MAGI1: variants seen among roughly 807,000 people sequenced by gnomAD.
The protein encoded by MAGI1 is membrane associated guanylate kinase, WW and PDZ domain containing 1.
Under a neutral mutation model 139.9 loss-of-function variants are expected in MAGI1, and 58 were observed. The ratio of observed to expected loss-of-function variants is 0.41; its 90% CI spans 0.34 to 0.52. The LOEUF is 0.52. Ranked by LOEUF, MAGI1 falls within the 20% of genes least tolerant of loss-of-function variation. The pLI is 0.12. For missense variants in MAGI1, 1,874 were observed against 1,901.6 expected, an observed-to-expected ratio of 0.99 and a Z score of 0.27; for synonymous variants, 812 against 737.9, an observed-to-expected ratio of 1.10 and a Z score of -1.63.
intron 6 of MAGI1, among the ~76,000 whole-genome samples, chr3:65,450,261 C>T (rs1948949046): frequency 6.6e-6 from 1 of 152,090 alleles, no homozygotes. Context: ...TCAGCGATAA[C>T]ATCATCACAT....
At chr3:65,799,268 G>A (rs562356413) in intron 1 of MAGI1, among the ~76,000 whole-genome samples, 97 of 152,234 alleles carry the variant, frequency 6.4e-4, no homozygotes, top group Non-Finnish European at 9.9e-4. Flanking sequence ...AGTTCAAAAG[G>A]AAAGAAAAAT....
chr3:65,359,669 G>A, intron 22 of MAGI1: 2 of 988,052 alleles, frequency 2.0e-6, no homozygotes, highest in Non-Finnish European at 2.4e-6. Context: ...GAATTAGAGA[G>A]ATTTAGTCCA....
intron 16 of MAGI1, among the ~76,000 whole-genome samples, chr3:65,380,243 T>C (rs533480866): frequency 2.0e-5 from 3 of 152,328 alleles, no homozygotes; most frequent in South Asian, 4.1e-4. Flanking sequence ...GCCAACACCG[T>C]AGGTGGAACC....
At position 65,974,403 on chromosome 3, in the gene MAGI1, A is replaced by C. The variant is rs796729734; in HGVS notation, c.313+63593T>G. On this transcript the variant is annotated intron_variant, in intron 1 of 22. Transcript: ENST00000402939. ...GGCGGGTGGCTGGGTGGATGGGTGG[A>C]TGGGTGGATGGATGGATGGATGGAT... 8.8e-3 allele frequency among the ~76,000 whole-genome samples: 1,281 copies of C among 145,912 alleles called. 31 individuals are homozygous for C. Among genetic ancestry groups the C allele is most frequent in the African/African-American group, 0.032 (1,201 of 37,894 alleles).
intron 1 of MAGI1, among the ~76,000 whole-genome samples, chr3:65,673,821 C>T (rs527875054): frequency 3.3e-5 from 5 of 152,286 alleles, no homozygotes; most frequent in South Asian, 2.1e-4. Context: ...TATAAATAGG[C>T]GTTTCCTATT....
intron 2 of MAGI1, among the ~76,000 whole-genome samples, chr3:65,528,432 A>G (rs532533459): frequency 2.0e-5 from 3 of 152,202 alleles, no homozygotes; most frequent in African/African-American, 4.8e-5. Flanking sequence ...ACTAGGGCCT[A>G]AAGTCACCAT....
chr3:65,480,006 T>A (rs1951158312), intron 3 of MAGI1, among the ~76,000 whole-genome samples: 1 of 152,108 alleles, frequency 6.6e-6, no homozygotes, highest in Non-Finnish European at 1.5e-5. Context: ...AGATGCTGGA[T>A]CAATCCTAAC....
intron 2 of MAGI1, among the ~76,000 whole-genome samples, chr3:65,583,435 AATAAT>A (rs1209048289): frequency 6.6e-6 from 1 of 152,170 alleles, no homozygotes; most frequent in Non-Finnish European, 1.5e-5. Context: ...CAGAGTCACA[AATAAT>A]ATATTTGTTT....
chr3:65,869,617 G>A (rs2059866555), intron 1 of MAGI1, among the ~76,000 whole-genome samples: 1 of 151,882 alleles, frequency 6.6e-6, no homozygotes, highest in Admixed American at 6.6e-5. Flanking sequence ...AGCCAGGATG[G>A]TCTCGATCTC....
chr3:65,711,474 C>T (rs2031408798), intron 1 of MAGI1, among the ~76,000 whole-genome samples: 1 of 151,620 alleles, frequency 6.6e-6, no homozygotes, highest in Admixed American at 6.6e-5. Context: ...TACCTACAGA[C>T]AAAAAAAACA....
chr3:65,862,068 A>C (rs2059574640), intron 1 of MAGI1, among the ~76,000 whole-genome samples: 1 of 152,150 alleles, frequency 6.6e-6, no homozygotes, highest in Non-Finnish European at 1.5e-5. Context: ...ACTATGTCTA[A>C]TGAGGCTCTG....
chr3:65,492,302 C>A (rs945715591), intron 3 of MAGI1, among the ~76,000 whole-genome samples: 1 of 152,200 alleles, frequency 6.6e-6, no homozygotes, highest in South Asian at 2.1e-4. Context: ...CTTTTTTCCA[C>A]CACATTTGGC....
intron 5 of MAGI1, among the ~76,000 whole-genome samples, chr3:65,464,763 T>C (rs1187383485): frequency 6.6e-6 from 1 of 152,076 alleles, no homozygotes. Context: ...CTTTATTAAA[T>C]GTAGTTATTG....
intron 1 of MAGI1, among the ~76,000 whole-genome samples, chr3:65,666,941 T>C (rs1351309066): frequency 1.3e-5 from 2 of 152,190 alleles, no homozygotes; most frequent in South Asian, 2.1e-4. Context: ...CATGAAAACA[T>C]CCATCCCAAA....
intron 1 of MAGI1, among the ~76,000 whole-genome samples, chr3:65,630,592 T>C (rs898897398): frequency 3.3e-5 from 5 of 152,184 alleles, no homozygotes; most frequent in African/African-American, 4.8e-5. Context: ...CTGGAGGCCA[T>C]TATTCTAAGT....
intron 1 of MAGI1, among the ~76,000 whole-genome samples, chr3:65,846,422 C>T (rs1377204328): frequency 6.6e-6 from 1 of 152,146 alleles, no homozygotes; most frequent in Non-Finnish European, 1.5e-5. Context: ...CTTTGAGTGA[C>T]CTTAGTAAGT....
chr3:65,684,246 G>A (rs2087828142), intron 1 of MAGI1, among the ~76,000 whole-genome samples: 2 of 147,220 alleles, frequency 1.4e-5, no homozygotes, highest in African/African-American at 5.0e-5. Flanking sequence ...ATTTATCCCA[G>A]AAAAAGGAAA....
At chr3:65,542,511 A>AT (rs2079285682) in intron 2 of MAGI1, among the ~76,000 whole-genome samples, 1 of 152,238 alleles carries the variant, frequency 6.6e-6, no homozygotes, top group African/African-American at 2.4e-5. Flanking sequence ...ACTATACTAC[A>AT]AGGCTATAGT....
intron 1 of MAGI1, among the ~76,000 whole-genome samples, chr3:65,898,222 TC>T (rs2061064934): frequency 6.6e-6 from 1 of 152,206 alleles, no homozygotes; most frequent in Non-Finnish European, 1.5e-5. Context: ...TATTTGTTTC[TC>T]CCCAAAATCC....
Sources: allele counts gnomAD v4.1 joint callset (sites outside exome capture counted in the v4.1 genomes callset), GRCh38; gene constraint gnomAD v4.1.1; transcripts MANE v1.5; gene names NCBI Gene and HGNC (gene_info 2026-07-23, HGNC 2026-07-21).